Variants in TFB2M observed in about 807,000 individuals in gnomAD.
TFB2M encodes the protein transcription factor B2, mitochondrial.
A neutral mutation model predicts 41.3 loss-of-function variants in TFB2M; 44 were observed. The ratio of observed to expected loss-of-function variants is 1.07; its 90% confidence interval spans 0.84 to 1.37. TFB2M has a LOEUF of 1.37. TFB2M is among the 40% of genes most tolerant of loss of function. The probability of loss-of-function intolerance (pLI) is 0.00; values close to 1 mark genes in which losing one functional copy is unlikely to be tolerated. For synonymous variants in TFB2M, 188 were observed against 176.8 expected (o/e 1.06, Z -0.50); for missense variants, 496 against 490.2 (o/e 1.01, Z -0.11).
intron 1 of TFB2M, among the ~76,000 whole-genome samples, chr1:246,564,989 C>T (rs998863533): frequency 6.6e-6 from 1 of 152,142 alleles, no homozygotes; most frequent in African/African-American, 2.4e-5. Flanking sequence ...AAAACTTGCA[C>T]TCTTCATCAC....
chr1:246,544,037 T>A (rs572827244), intron 7 of TFB2M, among the ~76,000 whole-genome samples: 1 of 152,128 alleles, frequency 6.6e-6, no homozygotes, highest in Non-Finnish European at 1.5e-5. Context: ...ATAAAGCAAG[T>A]AGTGTTACTT....
Position 246,545,229 on chromosome 1 carries a change from A to G in TFB2M, c.859-548T>C, listed in dbSNP as rs184510032. On this transcript the variant is annotated intron_variant, in intron 6 of 7. Transcript: ENST00000366514. ...GAGGGAGGAGATAACGTCTCTCTCCAGGACAAAGAGCAGGCCTGTGGCTGG... is the reference window on the plus strand; with the variant it reads ...GAGGGAGGAGATAACGTCTCTCTCCGGGACAAAGAGCAGGCCTGTGGCTGG... 5.9e-3 allele frequency among the ~76,000 whole-genome samples: 896 copies of G among 152,290 alleles called. 4 individuals are homozygous for G. Among genetic ancestry groups the G allele is most frequent in the African/African-American group, 0.02 (844 of 41,566 alleles).
At position 246,565,907 on chromosome 1, in the gene TFB2M, G is replaced by C. The variant is rs1359342295; in HGVS notation, c.232C>G (p.Arg78Gly). 6.2e-7 allele frequency: 1 copy of C among 1,613,860 alleles called. No homozygotes were observed. Among genetic ancestry groups the C allele is most frequent in the Non-Finnish European group, 8.5e-7 (1 of 1,179,750 alleles). The change falls in exon 1 of 8, where the codon CGG becomes GGG. Residue 78 changes from arginine to glycine, a missense_variant. Transcript: ENST00000366514. ...TGCGCCAGGGTCTCAGCCAATCTCC[G>C]ATCGGTTACGTAACGCTTAAAGTCT... Reference protein sequence around the residue: ...SLDFKRYVTDRRLAETLAQIY... With the variant: ...SLDFKRYVTDGRLAETLAQIY...
intron 4 of TFB2M, among the ~76,000 whole-genome samples, chr1:246,554,363 C>T (rs1195826514): frequency 6.6e-6 from 1 of 152,164 alleles, no homozygotes; most frequent in Non-Finnish European, 1.5e-5. Flanking sequence ...AGGAAGTGAG[C>T]GGCAGGTGAA....
Position 246,556,736 on chromosome 1 carries a change from A to T in TFB2M, c.557-15T>A. 1 of 1,541,102 alleles carries T rather than the reference A, an allele frequency of 6.5e-7. No homozygotes were observed. Among genetic ancestry groups the T allele is most frequent in the Middle Eastern group, 1.7e-4 (1 of 5,888 alleles). On this transcript the variant is annotated splice_polypyrimidine_tract_variant and intron_variant, in intron 3 of 7. Transcript: ENST00000366514. ...TAAAGGGATGTCTGTTAGGAATATAAGCAAAAAGATTTGAATAAAGTTCTT... is the reference window on the plus strand; with the variant it reads ...TAAAGGGATGTCTGTTAGGAATATATGCAAAAAGATTTGAATAAAGTTCTT...
At chr1:246,554,388 T>C (rs1659265327) in intron 4 of TFB2M, among the ~76,000 whole-genome samples, 1 of 152,068 alleles carries the variant, frequency 6.6e-6, no homozygotes, top group Admixed American at 6.6e-5. Context: ...CGAGGCGTCA[T>C]CCGTATTTAT....
rs756170286 is a variant in TFB2M, at chr1:246,556,587, C to T, written c.691G>A (p.Glu231Lys). ...GRIEVNMFIG[E>K]KEFQKLMADP... ...TAATAACATACCTGGAATTCTTTTT[C>T]ACCAATAAACATATTTACTTCTATT... The change falls in exon 4 of 8, where the codon GAA becomes AAA. Residue 231 changes from glutamate (E) to lysine (K), a missense_variant. Coordinates refer to ENST00000366514, the MANE Select transcript of TFB2M (RefSeq NM_022366.3). The T allele has an allele frequency of 6.6e-7, 1 of 1,506,516 alleles. No individual in the cohort carries two copies. Among genetic ancestry groups the T allele is most frequent in the Non-Finnish European group, 8.9e-7 (1 of 1,124,336 alleles). 93.3% of individuals were successfully genotyped at this position (1,506,516 alleles called of 1,614,324 possible).
chr1:246,552,210 G>A (rs1481521342), intron 4 of TFB2M, among the ~76,000 whole-genome samples: 1 of 151,976 alleles, frequency 6.6e-6, no homozygotes, highest in Non-Finnish European at 1.5e-5. Context: ...AGGAGTTTGG[G>A]GGTTCAGTGT....
intron 4 of TFB2M, among the ~76,000 whole-genome samples, chr1:246,552,643 G>A (rs71533485): frequency 0.016 from 2,424 of 151,782 alleles, 27 homozygotes; most frequent in Non-Finnish European, 0.023. Context: ...AGGCTGCAGT[G>A]AGCTATGAAC....
intron 7 of TFB2M, among the ~76,000 whole-genome samples, chr1:246,542,045 T>G (rs1045145616): frequency 1.3e-5 from 2 of 152,144 alleles, no homozygotes; most frequent in African/African-American, 2.4e-5. Flanking sequence ...TGGCATAGCC[T>G]ATTGCTCCAA....
rs1298400395 is a variant in TFB2M, at chr1:246,566,250, G to C, written c.-112C>G. The C allele has an allele frequency of 1.8e-6, 2 of 1,094,818 alleles. No homozygotes were observed. The highest frequency in any genetic ancestry group is 2.6e-6 in the Non-Finnish European group (2 of 769,202). 67.8% of individuals were successfully genotyped at this position (1,094,818 alleles called of 1,614,324 possible). ...TCTGGCGTCCGGGCCAGGTCAAGCG[G>C]AAGTAAACACTAGAGCCTGCGCATG... is the stretch of plus-strand genomic sequence containing the variant. On this transcript the variant is annotated 5_prime_UTR_variant, in exon 1 of 8. Coordinates refer to ENST00000366514, the MANE Select transcript of TFB2M (RefSeq NM_022366.3).
chr1:246,562,804 C>T (rs577757794), intron 2 of TFB2M, among the ~76,000 whole-genome samples: 3 of 152,204 alleles, frequency 2.0e-5, no homozygotes, highest in African/African-American at 7.2e-5. Flanking sequence ...GGACTACAGG[C>T]ATGCGCCACC....
At chr1:246,550,818 G>A (rs1378443897) in intron 5 of TFB2M, among the ~76,000 whole-genome samples, 1 of 152,224 alleles carries the variant, frequency 6.6e-6, no homozygotes, top group African/African-American at 2.4e-5. Flanking sequence ...AGGATGTAGA[G>A]GTTGCAGTGA....
intron 2 of TFB2M, among the ~76,000 whole-genome samples, chr1:246,557,796 A>T (rs1659364193): frequency 6.6e-6 from 1 of 151,958 alleles, no homozygotes; most frequent in African/African-American, 2.4e-5. Flanking sequence ...CAGCCTCCCA[A>T]GTAGCTGGGA....
chr1:246,549,073 T>C (rs1314151127), intron 5 of TFB2M, among the ~76,000 whole-genome samples: 1 of 152,222 alleles, frequency 6.6e-6, no homozygotes, highest in East Asian at 1.9e-4. Flanking sequence ...CTGTGGTTCA[T>C]GCCTATAATC....
At chr1:246,548,704 G>A (rs1659091142) in intron 5 of TFB2M, 97 bp from the exon 6 acceptor site, 1 of 1,054,568 alleles carries the variant, frequency 9.5e-7, no homozygotes, top group South Asian at 1.4e-5. Context: ...GCCTAAATAA[G>A]AGAATGGTCA....
intron 6 of TFB2M, 47 bp downstream of exon 6, chr1:246,548,498 A>G: frequency 6.5e-7 from 1 of 1,526,742 alleles, no homozygotes; most frequent in Non-Finnish European, 8.9e-7. Flanking sequence ...AAAATAAAAA[A>G]TACGTCACGT....
chr1:246,553,200 G>A lies in TFB2M; in HGVS notation c.706-1898C>T, dbSNP rs1004691030. On this transcript the variant is annotated intron_variant, in intron 4 of 7. Coordinates refer to ENST00000366514, the MANE Select transcript of TFB2M (RefSeq NM_022366.3). ...TGCGCCACTGCACTCCAGCCTGGGC[G>A]ACAGAGCAAGACTCCGTCTAAAAAA... 4.9e-4 allele frequency among the ~76,000 whole-genome samples: 75 copies of A among 152,034 alleles called. 4 individuals carry two copies. Among genetic ancestry groups the A allele is most frequent in the Admixed American group, 6.6e-5 (1 of 15,254 alleles).
At chr1:246,562,990 A>T (rs1408546417) in intron 2 of TFB2M, among the ~76,000 whole-genome samples, 1 of 152,102 alleles carries the variant, frequency 6.6e-6, no homozygotes, top group Non-Finnish European at 1.5e-5. Context: ...CGGCCGGCAG[A>T]ATGTCTCCTT....
Sources: gnomAD v4.1 joint callset for allele counts (sites outside exome capture counted in the v4.1 genomes callset) on GRCh38, gnomAD v4.1.1 for gene constraint, MANE v1.5 for transcripts, NCBI Gene and HGNC (gene_info 2026-07-23, HGNC 2026-07-21) for gene names.